Variants in TOX observed in about 807,000 individuals in gnomAD.
TOX encodes the protein thymocyte selection associated high mobility group box, also known as thymocyte selection-associated high mobility group box protein TOX.
A neutral mutation model predicts 53.7 loss-of-function variants in TOX; 11 were observed. The ratio of observed to expected loss-of-function variants is 0.20; its 90% CI spans 0.13 to 0.34. TOX has a LOEUF of 0.34. TOX is among the 10% of genes least tolerant of loss of function. The pLI is 1.00. For missense variants in TOX, 570 were observed against 664.6 expected, an observed-to-expected ratio of 0.86 and a Z score of 1.56; for synonymous variants, 225 against 245.3, an observed-to-expected ratio of 0.92 and a Z score of 0.77.
intron 4 of TOX, among the ~76,000 whole-genome samples, chr8:58,847,553 TA>T (rs776904531): frequency 2.0e-5 from 3 of 152,064 alleles, no homozygotes; most frequent in Non-Finnish European, 4.4e-5. Flanking sequence ...GAAAGTCTAA[TA>T]TTCATCCCCT....
At position 58,976,939 on chromosome 8, in the gene TOX, C is replaced by G. The variant is rs114223826; in HGVS notation, c.103-16931G>C. Among the ~76,000 whole-genome samples, 969 of 152,282 alleles carry G rather than the reference C, an allele frequency of 6.4e-3. 5 individuals are homozygous for G. Among genetic ancestry groups the G allele is most frequent in the African/African-American group, 0.017 (716 of 41,534 alleles). On this transcript the variant is annotated intron_variant, in intron 1 of 8. Coordinates refer to ENST00000361421, the MANE Select transcript of TOX (RefSeq NM_014729.3). ...TCATCCAGCTAGAGTAGACTGAGCA[C>G]AGTTCTTAAAGGCTCTAGATTTTCA...
At chr8:58,879,878 A>G (rs1205909899) in intron 3 of TOX, among the ~76,000 whole-genome samples, 2 of 152,192 alleles carry the variant, frequency 1.3e-5, no homozygotes, top group Non-Finnish European at 1.5e-5. Context: ...TGCCACCCAC[A>G]TGTAATATGT....
chr8:58,833,700 G>A (rs1810502227), intron 5 of TOX, among the ~76,000 whole-genome samples: 1 of 152,154 alleles, frequency 6.6e-6, no homozygotes, highest in African/African-American at 2.4e-5. Context: ...AACTTAGTAT[G>A]CTTCTGAAAT....
chr8:58,972,325 A>C (rs964010875), intron 1 of TOX, among the ~76,000 whole-genome samples: 2 of 152,180 alleles, frequency 1.3e-5, no homozygotes, highest in Admixed American at 1.3e-4. Flanking sequence ...CTGCAGGAGG[A>C]GTTTTCTGAA....
At chr8:58,974,099 G>A (rs1813051108) in intron 1 of TOX, among the ~76,000 whole-genome samples, 1 of 152,120 alleles carries the variant, frequency 6.6e-6, no homozygotes, top group African/African-American at 2.4e-5. Flanking sequence ...TGCCTCACCT[G>A]GAAGTGGTTT....
At chr8:58,874,728 G>A (rs10100201) in intron 3 of TOX, among the ~76,000 whole-genome samples, 37 of 151,976 alleles carry the variant, frequency 2.4e-4, no homozygotes, top group African/African-American at 8.7e-4. Context: ...ACTAAAAGGC[G>A]GGGAATTCCC....
chr8:58,945,509 C>A (rs1812510679), intron 2 of TOX, among the ~76,000 whole-genome samples: 1 of 152,172 alleles, frequency 6.6e-6, no homozygotes, highest in Non-Finnish European at 1.5e-5. Context: ...AAGGAAACTT[C>A]TCACCTGATT....
chr8:58,869,754 T>C (rs1022037820), intron 3 of TOX, among the ~76,000 whole-genome samples: 11 of 152,076 alleles, frequency 7.2e-5, no homozygotes, highest in Non-Finnish European at 1.0e-4. Context: ...AATCTAACAA[T>C]GTATTACAAC....
chr8:58,813,337 C>T (rs1380718449), intron 7 of TOX, among the ~76,000 whole-genome samples: 2 of 152,310 alleles, frequency 1.3e-5, no homozygotes, highest in African/African-American at 2.4e-5. Context: ...GCACACAGCT[C>T]CAGCCCGCAG....
intron 1 of TOX, among the ~76,000 whole-genome samples, chr8:59,089,345 C>T (rs1241656648): frequency 6.6e-6 from 1 of 152,194 alleles, no homozygotes; most frequent in Admixed American, 6.5e-5. Context: ...CTTCAGGGGT[C>T]ATGTCTCCAG....
intron 3 of TOX, among the ~76,000 whole-genome samples, chr8:58,890,956 C>A (rs1585883349): frequency 6.6e-6 from 1 of 152,054 alleles, no homozygotes; most frequent in African/African-American, 2.4e-5. Flanking sequence ...ACAGCCAAGT[C>A]CAACAGGATC....
At chr8:58,937,190 C>G (rs1168418157) in intron 3 of TOX, among the ~76,000 whole-genome samples, 1 of 152,006 alleles carries the variant, frequency 6.6e-6, no homozygotes, top group Non-Finnish European at 1.5e-5. Context: ...CTATGAAAAT[C>G]CCAAACAGGC....
At chr8:58,939,868 T>C (rs1043681405) in intron 2 of TOX, among the ~76,000 whole-genome samples, 1 of 152,224 alleles carries the variant, frequency 6.6e-6, no homozygotes, top group Non-Finnish European at 1.5e-5. Flanking sequence ...ATGGGAATTG[T>C]ACGGAAGGAA....
rs1563413317 is a variant in TOX, at chr8:58,998,513, AT to A, written c.103-38506del. Among the ~76,000 whole-genome samples the A allele has an allele frequency of 2.9e-4, 15 of 50,880 alleles. 1 individual carries two copies. The highest frequency in any genetic ancestry group is 4.0e-4 in the Non-Finnish European group (9 of 22,706). 33.4% of individuals were successfully genotyped at this position (50,880 alleles called of 152,430 possible). On this transcript the variant is annotated intron_variant, in intron 1 of 8. Transcript: ENST00000361421. Reference sequence around the variant, plus strand: ...CAAAAGTATATATATATATATATATATATATATATATATATATATATATATA... The same window carrying A: ...CAAAAGTATATATATATATATATATAATATATATATATATATATATATATA...
intron 3 of TOX, among the ~76,000 whole-genome samples, chr8:58,889,663 G>T (rs1251857381): frequency 6.6e-6 from 1 of 152,108 alleles, no homozygotes; most frequent in Non-Finnish European, 1.5e-5. Context: ...TGGACCTCCC[G>T]TAAGTGTCTT....
chr8:58,982,259 C>T (rs79660928), intron 1 of TOX, among the ~76,000 whole-genome samples: 6,358 of 152,230 alleles, frequency 0.042, 359 homozygotes, highest in African/African-American at 0.12. Flanking sequence ...GACAGGCTCT[C>T]CTATGCCCCC....
chr8:59,069,716 A>G (rs1419641763), intron 1 of TOX, among the ~76,000 whole-genome samples: 2 of 152,168 alleles, frequency 1.3e-5, no homozygotes, highest in Non-Finnish European at 2.9e-5. Flanking sequence ...TGGCTTATTG[A>G]TCTAAGAGGT....
At chr8:58,878,923 T>C (rs747974650) in intron 3 of TOX, among the ~76,000 whole-genome samples, 22 of 151,814 alleles carry the variant, frequency 1.4e-4, no homozygotes, top group Non-Finnish European at 2.8e-4. Flanking sequence ...TAGCCAGGTG[T>C]GGTGGCGCAA....
chr8:58,949,525 A>T (rs1387974271), intron 2 of TOX, among the ~76,000 whole-genome samples: 2 of 152,176 alleles, frequency 1.3e-5, no homozygotes, highest in African/African-American at 2.4e-5. Flanking sequence ...AACTTTGCAT[A>T]TGAGAAAAAT....
Sources: allele counts gnomAD v4.1 joint callset (sites outside exome capture counted in the v4.1 genomes callset), GRCh38; gene constraint gnomAD v4.1.1; transcripts MANE v1.5; gene names NCBI Gene and HGNC (gene_info 2026-07-23, HGNC 2026-07-21).